The following MRPS5 variants were observed in gnomAD, a reference collection of about 807,000 sequenced individuals.
MRPS5 encodes the protein mitochondrial ribosomal protein S5.
A neutral mutation model predicts 51.9 loss-of-function variants in MRPS5; 27 were observed. The observed-to-expected ratio is 0.52, with a 90% confidence interval of 0.38 to 0.72. MRPS5 has a LOEUF of 0.72. Ranked by LOEUF, MRPS5 falls within the 30% of genes least tolerant of loss-of-function variation. The probability of loss-of-function intolerance (pLI) is 0.00; values close to 1 mark genes in which losing one functional copy is unlikely to be tolerated. For synonymous variants in MRPS5, 196 were observed against 193.2 expected, an observed-to-expected ratio of 1.01 and a Z score of -0.12; for missense variants, 570 against 545.7, an observed-to-expected ratio of 1.04 and a Z score of -0.44.
At chr2:95,098,258 C>A (rs557850109) in intron 10 of MRPS5, among the ~76,000 whole-genome samples, 2 of 152,126 alleles carry the variant, frequency 1.3e-5, no homozygotes, top group African/African-American at 4.8e-5. Context: ...TAAACTAGTT[C>A]GACCATTGTG....
intron 10 of MRPS5, among the ~76,000 whole-genome samples, chr2:95,097,090 T>A (rs533038565): frequency 6.6e-6 from 1 of 152,252 alleles, no homozygotes; most frequent in East Asian, 1.9e-4. Context: ...CCACTCACAA[T>A]TGCTACAAAG....
At chr2:95,118,344 G>A (rs1306807189) in intron 1 of MRPS5, among the ~76,000 whole-genome samples, 2 of 152,186 alleles carry the variant, frequency 1.3e-5, no homozygotes, top group African/African-American at 4.8e-5. Flanking sequence ...TCACAGCTCT[G>A]ATAGATTATT....
In MRPS5 at chr2:95,106,415, A is replaced by C. The variant is rs751374387; in HGVS notation, c.672+8T>G. On this transcript the variant is annotated splice_region_variant and intron_variant, in intron 6 of 11. Coordinates refer to ENST00000272418, the MANE Select transcript of MRPS5 (RefSeq NM_031902.5). ...GGCTTAACCAGGTATTTAATTCTGC[A>C]TGCCTACCTCAAGTATCCTGGTATC... 1 of 1,574,786 alleles carries C rather than the reference A, an allele frequency of 6.4e-7. No individual in the cohort carries two copies. Among genetic ancestry groups the C allele is most frequent in the Non-Finnish European group, 8.6e-7 (1 of 1,156,172 alleles).
rs1313543972 is a variant in MRPS5, at chr2:95,085,786, A to C, written c.*1571T>G. ...TAAATAACTCCCAGAGCTTCATAAC[A>C]GTGAAGATGACCAGGATACAGCCAA... On this transcript the variant is annotated 3_prime_UTR_variant, in exon 12 of 12. Coordinates refer to ENST00000272418, the MANE Select transcript of MRPS5 (RefSeq NM_031902.5). 6.6e-6 allele frequency among the ~76,000 whole-genome samples: 1 copy of C among 152,230 alleles called. No individual in the cohort carries two copies. The highest frequency in any genetic ancestry group is 1.5e-5 in the Non-Finnish European group (1 of 68,044).
At chr2:95,116,597 T>C (rs950333214) in intron 2 of MRPS5, among the ~76,000 whole-genome samples, 1 of 152,270 alleles carries the variant, frequency 6.6e-6, no homozygotes, top group Non-Finnish European at 1.5e-5. Flanking sequence ...TTATCAATGA[T>C]CAATTACCAG....
At chr2:95,106,700 G>C in intron 5 of MRPS5, 1 of 547,940 alleles carries the variant, frequency 1.8e-6, no homozygotes, top group Non-Finnish European at 3.3e-6. Context: ...TCTCTCATCA[G>C]CTCCTGGCCC....
At chr2:95,109,539 T>G (rs956000007) in intron 4 of MRPS5, among the ~76,000 whole-genome samples, 1 of 152,238 alleles carries the variant, frequency 6.6e-6, no homozygotes, top group Non-Finnish European at 1.5e-5. Flanking sequence ...AACAGTAGAG[T>G]TGAGCAGTTG....
intron 5 of MRPS5, 145 bp from the exon 6 acceptor site, chr2:95,106,602 G>A: frequency 1.4e-6 from 1 of 694,514 alleles, no homozygotes; most frequent in South Asian, 1.6e-5. Flanking sequence ...CCATGCCCCA[G>A]TCACCCCTCA....
chr2:95,108,065 T>C, intron 5 of MRPS5, 110 bp downstream of exon 5: 8 of 880,648 alleles, frequency 9.1e-6, no homozygotes, highest in Non-Finnish European at 1.4e-5. Flanking sequence ...TGTTCAAATC[T>C]TTTTTGGAAA....
intron 7 of MRPS5, chr2:95,103,903 T>C (rs1180745955): frequency 6.6e-6 from 1 of 152,158 alleles, no homozygotes; most frequent in Non-Finnish European, 1.5e-5. Flanking sequence ...TTTAGGAAAA[T>C]TACAAAAGTA....
At position 95,087,485 on chromosome 2, in the gene MRPS5, C is replaced by G; in HGVS notation, c.1165G>C (p.Gly389Arg). 6.2e-7 allele frequency: 1 copy of G among 1,614,182 alleles called. No individual in the cohort carries two copies. Among genetic ancestry groups the G allele is most frequent in the East Asian group, 2.2e-5 (1 of 44,874 alleles). The part of the protein sequence containing the change: ...PLPIVVASPR[G>R]PLRKDPEPED... ...GGCTCTGGATCCTTCCTCAAGGGCC[C>G]CCGGGGGGACGCAACCACAATGGGC... Residue 389 changes from glycine to arginine, a missense_variant, in exon 12 of 12, where the codon GGG becomes CGG. Physicochemically the swap from Gly to Arg is moderately radical, Grantham distance 125. Coordinates refer to ENST00000272418, the MANE Select transcript of MRPS5 (RefSeq NM_031902.5).
At chr2:95,092,635 T>C (rs1184699080) in intron 10 of MRPS5, 2 of 152,222 alleles carry the variant, frequency 1.3e-5, no homozygotes, top group African/African-American at 4.8e-5. Context: ...GGTAATGGTC[T>C]AGATCATACA....
intron 2 of MRPS5, 98 bp from the exon 3 acceptor site, chr2:95,115,301 A>C (rs1676254232): frequency 8.6e-7 from 1 of 1,168,028 alleles, no homozygotes; most frequent in Admixed American, 2.9e-5. Flanking sequence ...ATAAGTCACT[A>C]AAATCCTGAA....
chr2:95,088,719 T>C (rs1048043117), intron 11 of MRPS5, among the ~76,000 whole-genome samples: 2 of 152,206 alleles, frequency 1.3e-5, no homozygotes, highest in African/African-American at 2.4e-5. Flanking sequence ...AGATGACATA[T>C]GGTAACTATA....
intron 3 of MRPS5, 136 bp from the exon 4 acceptor site, chr2:95,110,177 T>C: frequency 9.4e-7 from 1 of 1,069,266 alleles, no homozygotes. Flanking sequence ...GAAAGCAAAA[T>C]TAAATCATCC....
At position 95,100,322 on chromosome 2, in the gene MRPS5, A is replaced by G. The variant is rs1446896275; in HGVS notation, c.931+152T>C. 42 of 603,500 alleles carry G rather than the reference A, an allele frequency of 7.0e-5. No individual in the cohort carries two copies. In the Admixed American group the frequency reaches 1.4e-3, roughly 20 times the overall value. 37.4% of individuals were successfully genotyped at this position (603,500 alleles called of 1,614,324 possible). ...CCTTGACTATTCTTATTTCTCCAAG[A>G]GCCTCATCGTTCTTAAATCTAACAT... On this transcript the variant is annotated intron_variant, in intron 10 of 11. Transcript: ENST00000272418.
rs1384993988 is a variant in MRPS5, at chr2:95,121,802, G to A, written c.-11C>T. The A allele has an allele frequency of 1.9e-6, 3 of 1,539,324 alleles. No individual in the cohort carries two copies. The highest frequency in any genetic ancestry group is 2.5e-5 in the East Asian group (1 of 39,952). On this transcript the variant is annotated 5_prime_UTR_variant, in exon 1 of 12. Coordinates refer to ENST00000272418, the MANE Select transcript of MRPS5 (RefSeq NM_031902.5). ...CACCGCGGTCGCCATGCTGGAGTCC[G>A]AGCCGCGCCTCGGCCTCCGCCCAGG...
chr2:95,121,586 A>G (rs1676451831), intron 1 of MRPS5, 148 bp downstream of exon 1: 1 of 855,410 alleles, frequency 1.2e-6, no homozygotes, highest in Non-Finnish European at 1.7e-6. Flanking sequence ...AAGGTCACAC[A>G]GCGGCTCCGG....
chr2:95,120,439 G>A (rs1676407750), intron 1 of MRPS5, among the ~76,000 whole-genome samples: 1 of 152,214 alleles, frequency 6.6e-6, no homozygotes, highest in African/African-American at 2.4e-5. Context: ...TGTGCTGGAG[G>A]CCAATGGGAA....
Sources: allele counts gnomAD v4.1 joint callset (sites outside exome capture counted in the v4.1 genomes callset), GRCh38; gene constraint gnomAD v4.1.1; transcripts MANE v1.5; gene names NCBI Gene and HGNC (gene_info 2026-07-23, HGNC 2026-07-21).